CELF2: variants seen among roughly 807,000 people sequenced by gnomAD.
CELF2 encodes CUGBP Elav-like family member 2, also known as CUG triplet repeat RNA-binding protein 2.
A neutral mutation model predicts 62.6 loss-of-function variants in CELF2; 8 were observed. That is an observed-to-expected ratio of 0.13 (90% CI 0.07 to 0.23). CELF2 has a LOEUF of 0.23. Ranked by LOEUF, CELF2 falls within the 10% of genes least tolerant of loss-of-function variation. The pLI is 1.00. For synonymous variants in CELF2, 258 were observed against 250.0 expected (o/e 1.03, Z -0.30); for missense variants, 333 against 671.0 (o/e 0.50, Z 5.56).
intron 1 of CELF2, among the ~76,000 whole-genome samples, chr10:11,006,727 G>C (rs1465903623): frequency 6.6e-6 from 1 of 152,064 alleles, no homozygotes; most frequent in Non-Finnish European, 1.5e-5. Flanking sequence ...TCACAATTTC[G>C]GTCACAAACT....
intron 1 of CELF2, among the ~76,000 whole-genome samples, chr10:10,896,758 C>A (rs1442019119): frequency 7.2e-5 from 11 of 152,188 alleles, no homozygotes; most frequent in African/African-American, 2.7e-4. Flanking sequence ...CGGTCTCAAA[C>A]TTCTAGCTTC....
chr10:10,728,862 T>C, the CELF2 span, among the ~76,000 whole-genome samples: 1 of 152,200 alleles, frequency 6.6e-6, no homozygotes, highest in African/African-American at 2.4e-5. Context: ...TTCTACCGCC[T>C]CTAAATGTGG....
At chr10:10,655,361 G>GA in the CELF2 span, among the ~76,000 whole-genome samples, 1 of 116,048 alleles carries the variant, frequency 8.6e-6, no homozygotes, top group Non-Finnish European at 1.9e-5. Flanking sequence ...CACAGAATTG[G>GA]AAAAAACTAC....
Position 11,197,048 on chromosome 10 carries a change from A to AGAAG in CELF2, c.272-20374_272-20373insGGAA, listed in dbSNP as rs2058000093. Among the ~76,000 whole-genome samples the AGAAG allele has an allele frequency of 1.7e-3, 34 of 19,742 alleles. 3 individuals carry two copies. Among genetic ancestry groups the AGAAG allele is most frequent in the African/African-American group, 8.0e-3 (26 of 3,244 alleles). 13.0% of individuals were successfully genotyped at this position (19,742 alleles called of 152,430 possible). On this transcript the variant is annotated intron_variant, in intron 2 of 12. Transcript: ENST00000633077. ...AGAAAAGAAAGAAAGAAAGAAAGAAAGAAAGAAAGAAAAGAAAGAAAGGAA... is the reference window on the plus strand; with the variant it reads ...AGAAAAGAAAGAAAGAAAGAAAGAAAGAAGGAAAGAAAGAAAAGAAAGAAAGGAA...
chr10:11,007,968 G>C (rs1300219448), intron 1 of CELF2, among the ~76,000 whole-genome samples: 1 of 152,104 alleles, frequency 6.6e-6, no homozygotes, highest in Non-Finnish European at 1.5e-5. Flanking sequence ...CTTTTCCGGT[G>C]GTTGGATTAT....
chr10:10,894,234 G>T (rs553703142), intron 1 of CELF2, among the ~76,000 whole-genome samples: 1 of 152,252 alleles, frequency 6.6e-6, no homozygotes, highest in South Asian at 2.1e-4. Flanking sequence ...CAGAGAGGAG[G>T]TATAATATGA....
the CELF2 span, among the ~76,000 whole-genome samples, chr10:10,561,711 C>G: frequency 2.6e-5 from 4 of 152,246 alleles, no homozygotes; most frequent in Non-Finnish European, 4.4e-5. Flanking sequence ...GAGGTGGGAG[C>G]CACTGTGCCC....
At chr10:10,682,717 C>G in the CELF2 span, among the ~76,000 whole-genome samples, 2 of 152,032 alleles carry the variant, frequency 1.3e-5, no homozygotes, top group Non-Finnish European at 2.9e-5. Context: ...TACATAAGAG[C>G]CTACCTGTTA....
the CELF2 span, among the ~76,000 whole-genome samples, chr10:10,468,321 G>A: frequency 2.6e-5 from 4 of 151,940 alleles, no homozygotes; most frequent in African/African-American, 9.7e-5. Context: ...CTTTGCTCTT[G>A]AGTGGTCTGC....
At chr10:10,580,543 G>A in the CELF2 span, among the ~76,000 whole-genome samples, 2 of 152,240 alleles carry the variant, frequency 1.3e-5, no homozygotes, top group South Asian at 2.1e-4. Context: ...CTAACCAACT[G>A]TGTGACCTTC....
the CELF2 span, among the ~76,000 whole-genome samples, chr10:10,681,298 T>C: frequency 6.6e-6 from 1 of 152,192 alleles, no homozygotes; most frequent in Non-Finnish European, 1.5e-5. Flanking sequence ...AGCATTCACC[T>C]ACCTTATTGA....
chr10:11,151,230 A>G (rs1454524147), intron 1 of CELF2, among the ~76,000 whole-genome samples: 2 of 152,192 alleles, frequency 1.3e-5, no homozygotes, highest in African/African-American at 4.8e-5. Context: ...TTTAAACCTT[A>G]TGGCTTTTCC....
rs1479197643 is a variant in CELF2, at chr10:11,075,473, T to C, written c.74+57310T>C. ...GATACATGTACGATGTGATAAAGTT[T>C]GTGAGATGGTAATTGGATTCCCAAA... is the stretch of plus-strand genomic sequence containing the variant. On this transcript the variant is annotated intron_variant, in intron 1 of 12. Coordinates refer to ENST00000633077, the MANE Select transcript of CELF2 (RefSeq NM_001326342.2). This position sits in a 1 kb window ranked among gnomAD's most constrained non-coding sequence, Gnocchi z 5.4. 6.6e-6 allele frequency: 1 copy of C among 152,172 alleles called. No homozygotes were observed. The highest frequency in any genetic ancestry group is 2.4e-5 in the African/African-American group (1 of 41,430). The allele number at this position is 152,172 out of a possible 1,614,324, so 9.4% of individuals were successfully genotyped here. A position where few individuals can be genotyped will look rare whatever the true frequency, so the allele number is the denominator to read the frequency against.
At chr10:11,025,239 G>GTGTGTGTGTGTATATATATATATATA (rs61580670) in intron 1 of CELF2, among the ~76,000 whole-genome samples, 1 of 140,998 alleles carries the variant, frequency 7.1e-6, no homozygotes, top group African/African-American at 2.6e-5. Flanking sequence ...GTGTGTGTGT[G>GTGTGTGTGTGTATATATATATATATA]TATATGTATG....
the CELF2 span, among the ~76,000 whole-genome samples, chr10:10,724,781 C>T: frequency 6.6e-6 from 1 of 152,090 alleles, no homozygotes; most frequent in East Asian, 1.9e-4. Context: ...ATCTTTCTCT[C>T]AAGTCCTTAC....
At chr10:10,566,984 A>C in the CELF2 span, among the ~76,000 whole-genome samples, 1 of 152,188 alleles carries the variant, frequency 6.6e-6, no homozygotes, top group Admixed American at 6.5e-5. Flanking sequence ...TTACCTCCAC[A>C]TATGCATAAA....
intron 2 of CELF2, among the ~76,000 whole-genome samples, chr10:11,197,293 A>G (rs1356058752): frequency 1.3e-5 from 2 of 152,096 alleles, no homozygotes; most frequent in African/African-American, 4.8e-5. Context: ...ATACCAGGGA[A>G]CTGGTGAATC....
intron 3 of CELF2, among the ~76,000 whole-genome samples, chr10:11,245,405 C>T (rs921120625): frequency 1.3e-5 from 2 of 152,170 alleles, no homozygotes; most frequent in African/African-American, 2.4e-5. Flanking sequence ...GATTGAACAC[C>T]TTTCTCTAAG....
chr10:11,181,852 A>G lies in CELF2; in HGVS notation c.271+16170A>G, dbSNP rs541104171. Among the ~76,000 whole-genome samples, 39 of 152,324 alleles carry G rather than the reference A, an allele frequency of 2.6e-4. No individual in the cohort carries two copies. In the South Asian group the frequency reaches 8.1e-3, roughly 32 times the overall value. Reference sequence around the variant, plus strand: ...AATGCAAAGCATTCAAGATAAAGGGACATTATTTTCCCACCAGCCTGTATC... The same window carrying G: ...AATGCAAAGCATTCAAGATAAAGGGGCATTATTTTCCCACCAGCCTGTATC... On this transcript the variant is annotated intron_variant, in intron 2 of 12. Coordinates refer to ENST00000633077, the MANE Select transcript of CELF2 (RefSeq NM_001326342.2).
Sources: gnomAD v4.1 joint callset for allele counts (sites outside exome capture counted in the v4.1 genomes callset) on GRCh38, gnomAD v4.1.1 for gene constraint, Gnocchi (gnomAD v3.1) non-coding constraint, MANE v1.5 for transcripts, NCBI Gene and HGNC (gene_info 2026-07-23, HGNC 2026-07-21) for gene names.